The following TANK variants were observed in gnomAD, a reference collection of about 807,000 sequenced individuals.
The protein encoded by TANK is TRAF family member-associated NF-kappa-B activator.
TANK carries 15 observed loss-of-function variants against 43.6 expected under a neutral mutation model. The observed-to-expected ratio is 0.34, with a 90% CI of 0.23 to 0.53. The LOEUF is 0.53. Ranked by LOEUF, TANK falls within the 20% of genes least tolerant of loss-of-function variation. The probability of loss-of-function intolerance (pLI) is 0.94; values close to 1 mark genes in which losing one functional copy is unlikely to be tolerated. For missense variants in TANK, 417 were observed against 498.6 expected (o/e 0.84, Z 1.56); for synonymous variants, 162 against 178.2 (o/e 0.91, Z 0.73).
At chr2:161,151,183 G>A (rs765551170) in intron 1 of TANK, among the ~76,000 whole-genome samples, 1 of 152,110 alleles carries the variant, frequency 6.6e-6, no homozygotes, top group African/African-American at 2.4e-5. Context: ...AAGACTTTTT[G>A]TGGCCTAACA....
intron 2 of TANK, among the ~76,000 whole-genome samples, chr2:161,198,973 C>G (rs535113450): frequency 1.2e-4 from 18 of 152,020 alleles, no homozygotes; most frequent in African/African-American, 4.3e-4. Flanking sequence ...GGTTGCTGAT[C>G]CTGTTTGATC....
intron 2 of TANK, among the ~76,000 whole-genome samples, chr2:161,193,432 T>C (rs1244130013): frequency 6.6e-6 from 1 of 152,230 alleles, no homozygotes; most frequent in Non-Finnish European, 1.5e-5. Flanking sequence ...AGTTGACTTT[T>C]GTCTGTGCTT....
At chr2:161,205,009 A>G (rs1686585686) in intron 4 of TANK, 2 of 1,277,068 alleles carry the variant, frequency 1.6e-6, no homozygotes, top group Non-Finnish European at 2.0e-6. Context: ...CATCACAAGC[A>G]TTTCAACAAA....
intron 4 of TANK, among the ~76,000 whole-genome samples, chr2:161,205,868 A>T (rs1686629543): frequency 6.6e-6 from 1 of 152,126 alleles, no homozygotes. Context: ...CAGTGGTGCA[A>T]TCTCTGCTCA....
chr2:161,203,003 A>T, intron 2 of TANK: 2 of 311,712 alleles, frequency 6.4e-6, no homozygotes, highest in Non-Finnish European at 1.3e-5. Flanking sequence ...TATAATTTGC[A>T]TTTGTCCCTT....
chr2:161,161,804 T>C (rs1684451883), intron 1 of TANK: 1 of 159,928 alleles, frequency 6.3e-6, no homozygotes, highest in African/African-American at 2.4e-5. Context: ...ATTATCTGTT[T>C]CTCATTAGAC....
intron 1 of TANK, among the ~76,000 whole-genome samples, chr2:161,164,715 A>C (rs1684597240): frequency 6.6e-6 from 1 of 152,174 alleles, no homozygotes; most frequent in Non-Finnish European, 1.5e-5. Context: ...CTAATCTATA[A>C]AAGCTTTTTA....
intron 2 of TANK, chr2:161,180,319 CT>C: frequency 5.1e-6 from 1 of 197,154 alleles, no homozygotes; most frequent in Non-Finnish European, 9.2e-6. Flanking sequence ...ATTTTTAGTA[CT>C]TTTAGTTTCA....
At chr2:161,207,838 G>C (rs1686715370) in intron 4 of TANK, 4 of 985,354 alleles carry the variant, frequency 4.1e-6, no homozygotes, top group Admixed American at 6.1e-5. Flanking sequence ...CACCCACATG[G>C]ATGAGAACTG....
chr2:161,145,328 A>G (rs1683879264), intron 1 of TANK, among the ~76,000 whole-genome samples: 1 of 151,476 alleles, frequency 6.6e-6, no homozygotes. Context: ...ATTTACATTT[A>G]AGGTTAATAA....
At chr2:161,208,334 A>G (rs1488777407) in intron 4 of TANK, among the ~76,000 whole-genome samples, 1 of 152,272 alleles carries the variant, frequency 6.6e-6, no homozygotes, top group East Asian at 1.9e-4. Flanking sequence ...AGAATGCAAA[A>G]ATCCTTTGAC....
At chr2:161,231,675 AGGCTTTC>A in intron 7 of TANK, 124 bp downstream of exon 7, 1 of 875,168 alleles carries the variant, frequency 1.1e-6, no homozygotes, top group Non-Finnish European at 1.7e-6. Flanking sequence ...GCCAAAGTTA[AGGCTTTC>A]AAAAAAACAA....
At chr2:161,146,420 G>T (rs1449966527) in intron 1 of TANK, among the ~76,000 whole-genome samples, 1 of 152,136 alleles carries the variant, frequency 6.6e-6, no homozygotes, top group Non-Finnish European at 1.5e-5. Context: ...TGGGTTTTCA[G>T]AGTTTTTTTG....
At chr2:161,152,570 T>C (rs1684109481) in intron 1 of TANK, among the ~76,000 whole-genome samples, 1 of 152,154 alleles carries the variant, frequency 6.6e-6, no homozygotes, top group Non-Finnish European at 1.5e-5. Flanking sequence ...CAATATTCTC[T>C]CTTTGTCCTC....
intron 2 of TANK, among the ~76,000 whole-genome samples, chr2:161,202,182 CTTTTTTTTTTT>C (rs35913723): frequency 3.8e-5 from 3 of 78,134 alleles, no homozygotes; most frequent in Non-Finnish European, 2.4e-5. Context: ...GCTCTAATTT[CTTTTTTTTTTT>C]TTTTTTTTTT....
intron 4 of TANK, chr2:161,207,687 T>C (rs1686709742): frequency 1.0e-6 from 1 of 985,232 alleles, no homozygotes; most frequent in Non-Finnish European, 1.2e-6. Flanking sequence ...GCCTATGTGT[T>C]GATCTATACT....
At position 161,231,103 on chromosome 2, in the gene TANK, G is replaced by A; in HGVS notation, c.653G>A (p.Cys218Tyr). 1 of 1,614,158 alleles carries A rather than the reference G, an allele frequency of 6.2e-7. No homozygotes were observed. Among genetic ancestry groups the A allele is most frequent in the Non-Finnish European group, 8.5e-7 (1 of 1,180,032 alleles). ...ACATCTGTCACACCAAGAGGACTGT[G>A]CAGAGATGAGGAAGACACCTCTTTT... ...SITSVTPRGL[C>Y]RDEEDTSFES... The change falls in exon 7 of 8, where the codon TGC becomes TAC. Residue 218 changes from cysteine (C) to tyrosine (Y), a missense_variant. By Grantham distance (194) the Cys-to-Tyr change is radical (BLOSUM62 -2). Coordinates refer to ENST00000392749, the MANE Select transcript of TANK (RefSeq NM_001199135.3).
chr2:161,163,213 T>C (rs923663920), intron 1 of TANK: 3 of 152,196 alleles, frequency 2.0e-5, no homozygotes, highest in Non-Finnish European at 4.4e-5. Flanking sequence ...CTCTGCTCTT[T>C]GAAGATCTGA....
At chr2:161,203,163 C>T (rs1236124381) in intron 2 of TANK, among the ~76,000 whole-genome samples, 7 of 147,344 alleles carry the variant, frequency 4.8e-5, no homozygotes, top group Non-Finnish European at 1.1e-4. Flanking sequence ...ATCATTTGTG[C>T]TTTTTTTTTT....
Sources: gnomAD v4.1 joint callset for allele counts (sites outside exome capture counted in the v4.1 genomes callset) on GRCh38, gnomAD v4.1.1 for gene constraint, MANE v1.5 for transcripts, NCBI Gene and HGNC (gene_info 2026-07-23, HGNC 2026-07-21) for gene names.